JAG1: variants seen among roughly 807,000 people sequenced by gnomAD.
JAG1 encodes protein jagged-1.
Under a neutral mutation model 148.7 loss-of-function variants are expected in JAG1, and 23 were observed. That is an observed-to-expected ratio of 0.15 (90% CI 0.11 to 0.22). The LOEUF is 0.22. Ranked by LOEUF, JAG1 falls within the 10% of genes least tolerant of loss-of-function variation. The probability of loss-of-function intolerance (pLI) is 1.00; values close to 1 mark genes in which losing one functional copy is unlikely to be tolerated. For missense variants in JAG1, 1,054 were observed against 1,611.2 expected, an observed-to-expected ratio of 0.65 and a Z score of 5.92; for synonymous variants, 572 against 598.3, an observed-to-expected ratio of 0.96 and a Z score of 0.64.
chr20:10,656,872 TA>T (rs33952645), intron 4 of JAG1, among the ~76,000 whole-genome samples: 38,540 of 113,216 alleles, frequency 0.34, 5,372 homozygotes, highest in Non-Finnish European at 0.38. Flanking sequence ...CCTCAGCCTT[TA>T]AAAAAAAAAA....
Position 10,664,364 on chromosome 20 carries a change from G to A in JAG1, c.388-350C>T, listed in dbSNP as rs184270820. On this transcript the variant is annotated intron_variant, in intron 2 of 25. Coordinates refer to ENST00000254958, the MANE Select transcript of JAG1 (RefSeq NM_000214.3). The stretch of plus-strand genomic sequence containing the variant: ...AAACTTTCCAGACCCTGACCCTAGT[G>A]CATGAGGAAACACACACACACACAC... 3.6e-3 allele frequency among the ~76,000 whole-genome samples: 460 copies of A among 128,726 alleles called. 8 individuals are homozygous for A. The highest frequency in any genetic ancestry group is 0.032 in the Admixed American group (410 of 12,620). The allele number at this position is 128,726 out of a possible 152,430, so 84.4% of individuals were successfully genotyped here.
chr20:10,673,458 G>T lies in JAG1; in HGVS notation c.73C>A (p.Arg25=). The T allele has an allele frequency of 6.9e-7, 1 of 1,446,376 alleles. No homozygotes were observed. Among genetic ancestry groups the T allele is most frequent in the East Asian group, 2.8e-5 (1 of 35,838 alleles). 89.6% of individuals were successfully genotyped at this position (1,446,376 alleles called of 1,614,324 possible). ...CGGAGAAGGGCTCCTACCTTGGCTC[G>T]CAGGGCACAGAGCAGGGCGAGCAGG... ...SLLLALLCAL[R]AKVCGASGQF... Residue 25 remains arginine, a synonymous_variant, in exon 1 of 26, where the codon CGA becomes AGA. Coordinates refer to ENST00000254958, the MANE Select transcript of JAG1 (RefSeq NM_000214.3). This position sits in a 1 kb window ranked among gnomAD's most constrained non-coding sequence, Gnocchi z 4.7.
chr20:10,661,351 C>T (rs1172328985), intron 3 of JAG1, among the ~76,000 whole-genome samples: 2 of 152,176 alleles, frequency 1.3e-5, no homozygotes, highest in Non-Finnish European at 2.9e-5. Flanking sequence ...CAGCCAACTC[C>T]GTTTGGGCTT....
chr20:10,659,789 C>G (rs1408727666), intron 3 of JAG1, among the ~76,000 whole-genome samples: 3 of 152,024 alleles, frequency 2.0e-5, no homozygotes, highest in Non-Finnish European at 4.4e-5. Flanking sequence ...AAAATGCTTA[C>G]TGAGGATAAT....
intron 2 of JAG1, among the ~76,000 whole-genome samples, chr20:10,665,146 A>G (rs1329150828): frequency 6.6e-6 from 1 of 152,234 alleles, no homozygotes; most frequent in East Asian, 1.9e-4. Context: ...CCAGAAGCAC[A>G]CTGCTGCCAA....
intron 25 of JAG1, 23 bp downstream of exon 25, chr20:10,640,758 CAA>C: frequency 6.2e-7 from 1 of 1,612,872 alleles, no homozygotes; most frequent in East Asian, 2.2e-5. Flanking sequence ...TATCATCACA[CAA>C]ACTAGTCCCA....
intron 14 of JAG1, 112 bp downstream of exon 14, chr20:10,646,825 CAA>C (rs79074328): frequency 3.4e-3 from 3,007 of 878,294 alleles, no homozygotes; most frequent in Non-Finnish European, 4.1e-3. Flanking sequence ...AATTCGGTCT[CAA>C]AAAAAAAAAA....
At chr20:10,669,660 T>C (rs1399965981) in intron 2 of JAG1, among the ~76,000 whole-genome samples, 1 of 146,246 alleles carries the variant, frequency 6.8e-6, no homozygotes, top group Non-Finnish European at 1.5e-5. Context: ...GATACCCCAA[T>C]TTCTTCCCCT....
At chr20:10,656,759 G>C (rs990413525) in intron 4 of JAG1, among the ~76,000 whole-genome samples, 2 of 151,748 alleles carry the variant, frequency 1.3e-5, no homozygotes, top group African/African-American at 4.8e-5. Flanking sequence ...CTGGCTCCTT[G>C]AGCAGAGCTT....
At position 10,649,782 on chromosome 20, in the gene JAG1, A is replaced by G. The variant is rs2067333818; in HGVS notation, c.1235-147T>C. 11 of 681,472 alleles carry G rather than the reference A, an allele frequency of 1.6e-5. No individual in the cohort carries two copies. The South Asian group carries it at 1.7e-4, about 11-fold the overall frequency. The allele number at this position is 681,472 out of a possible 1,614,324, so 42.2% of individuals were successfully genotyped here. ...ATAAAAGATACTAGAGGTTCCCTCTATTTTAAGCATCTGATCCCTCTCCCT... is the reference window on the plus strand; with the variant it reads ...ATAAAAGATACTAGAGGTTCCCTCTGTTTTAAGCATCTGATCCCTCTCCCT... On this transcript the variant is annotated intron_variant, in intron 9 of 25. Coordinates refer to ENST00000254958, the MANE Select transcript of JAG1 (RefSeq NM_000214.3).
intron 12 of JAG1, 83 bp downstream of exon 12, chr20:10,648,466 G>C: frequency 8.7e-7 from 1 of 1,151,876 alleles, no homozygotes. Context: ...AGACACAAGA[G>C]CTGAGGGAAA....
chr20:10,644,853 G>C lies in JAG1; in HGVS notation c.2344+10C>G. On this transcript the variant is annotated intron_variant, in intron 18 of 25. Coordinates refer to ENST00000254958, the MANE Select transcript of JAG1 (RefSeq NM_000214.3). ...AGCCCTGGGAGAGTTCAAGGGGGGA[G>C]GACACTCACTCTGAGCACAGATGGG... 1 of 1,592,306 alleles carries C rather than the reference G, an allele frequency of 6.3e-7. No individual in the cohort carries two copies. Among genetic ancestry groups the C allele is most frequent in the Non-Finnish European group, 8.6e-7 (1 of 1,160,160 alleles).
rs1568800936 is a variant in JAG1, at chr20:10,658,450, G to A, written c.694+18C>T. 4 of 1,593,944 alleles carry A rather than the reference G, an allele frequency of 2.5e-6. No homozygotes were observed. On this transcript the variant is annotated intron_variant, in intron 4 of 25. Transcript: ENST00000254958. ...AAAAGCAACAGGCACACGTGCACAT[G>A]CACACACACACACATACCTCTGTTA...
intron 19 of JAG1, 42 bp downstream of exon 19, chr20:10,644,315 C>CAT (rs2067293279): frequency 2.0e-6 from 3 of 1,469,304 alleles, no homozygotes; most frequent in East Asian, 2.3e-5. Context: ...CACACACACA[C>CAT]GATAGTGGAT....
At chr20:10,646,221 T>G in intron 14 of JAG1, 137 bp from the exon 15 acceptor site, 1 of 702,516 alleles carries the variant, frequency 1.4e-6, no homozygotes, top group Non-Finnish European at 2.6e-6. Context: ...TCAGGGCTGT[T>G]TCTCAAATTA....
At chr20:10,669,809 G>A (rs1450834742) in intron 2 of JAG1, among the ~76,000 whole-genome samples, 2 of 152,066 alleles carry the variant, frequency 1.3e-5, no homozygotes, top group Admixed American at 6.5e-5. Context: ...AGGCACTACT[G>A]GGATTTAGCA....
rs1179734259 is a variant in JAG1 at position 10,642,748 on chromosome 20, A to G, written c.2459-147T>C. 3 of 695,904 alleles carry G rather than the reference A, an allele frequency of 4.3e-6. No homozygotes were observed. In the African/African-American group the frequency reaches 5.3e-5, roughly 12 times the overall value. The allele number at this position is 695,904 out of a possible 1,614,324, so 43.1% of individuals were successfully genotyped here. ...GTAAGCAGCATCCAAAAGAAGAAAC[A>G]GATCTATTGCAAAAACCTCCAATCA... On this transcript the variant is annotated intron_variant, in intron 20 of 25. Coordinates refer to ENST00000254958, the MANE Select transcript of JAG1 (RefSeq NM_000214.3).
At chr20:10,658,864 G>A (rs2067395715) in intron 3 of JAG1, 142 bp from the exon 4 acceptor site, 1 of 865,106 alleles carries the variant, frequency 1.2e-6, no homozygotes. Flanking sequence ...AAAAGTTTAT[G>A]CCCCTACCCA....
Position 10,642,546 on chromosome 20 carries a change from C to G in JAG1, c.2514G>C (p.Glu838Asp). Residue 838 changes from glutamate (E) to aspartate (D), a missense_variant, in exon 21 of 26, where the codon GAG becomes GAC. Physicochemically the swap from Glu to Asp is conservative, Grantham distance 45. This residue lies in a region of JAG1 where 342 missense variants were observed against 514.6 expected (regional missense o/e 0.66). Transcript: ENST00000254958. ...GGCAGACACACCGGTAGCCATTGATCTCATCCACACAGGTCGCTCCAAAGG... is the reference window on the plus strand; with the variant it reads ...GGCAGACACACCGGTAGCCATTGATGTCATCCACACAGGTCGCTCCAAAGG... ...PCAFGATCVD[E>D]INGYRCVCPP... 6.2e-7 allele frequency: 1 copy of G among 1,614,078 alleles called. No homozygotes were observed. The highest frequency in any genetic ancestry group is 1.6e-4 in the Middle Eastern group (1 of 6,062).
Sources: allele counts gnomAD v4.1 joint callset (sites outside exome capture counted in the v4.1 genomes callset), GRCh38; gene constraint gnomAD v4.1.1; regional missense constraint gnomAD v4.1.1; non-coding constraint Gnocchi (gnomAD v3.1); transcripts MANE v1.5; gene names NCBI Gene and HGNC (gene_info 2026-07-23, HGNC 2026-07-21).